Variants in ART3 observed in about 807,000 individuals in gnomAD.
ART3 encodes the protein ADP-ribosyltransferase 3 (inactive), also known as ecto-ADP-ribosyltransferase 3.
A neutral mutation model predicts 48.5 loss-of-function variants in ART3; 49 were observed. The ratio of observed to expected loss-of-function variants is 1.01; its 90% CI spans 0.80 to 1.28. The LOEUF (loss-of-function observed/expected upper bound fraction) is 1.28, where lower values mean the gene tolerates loss of function less well. Ranked by LOEUF, ART3 falls within the 50% of genes most tolerant of loss-of-function variation. The pLI is 0.00. For missense variants in ART3, 438 were observed against 454.3 expected (o/e 0.96, Z 0.33); for synonymous variants, 145 against 157.2 (o/e 0.92, Z 0.58).
intron 1 of ART3, among the ~76,000 whole-genome samples, chr4:76,018,386 G>A (rs1372259447): frequency 6.6e-6 from 1 of 152,162 alleles, no homozygotes; most frequent in Non-Finnish European, 1.5e-5. Context: ...ACTGAACATT[G>A]AGTACCCATG....
At chr4:76,066,592 C>T (rs1201703202) in intron 1 of ART3, among the ~76,000 whole-genome samples, 1 of 152,048 alleles carries the variant, frequency 6.6e-6, no homozygotes, top group African/African-American at 2.4e-5. Context: ...GTCATCCCAT[C>T]TTCTGCTCAG....
intron 1 of ART3, chr4:76,021,591 A>C (rs1732817242): frequency 8.6e-6 from 2 of 232,504 alleles, no homozygotes. Context: ...ATAAACCCCA[A>C]AGCAGAAAGA....
intron 1 of ART3, among the ~76,000 whole-genome samples, chr4:76,061,616 C>G (rs1719219776): frequency 6.6e-6 from 1 of 152,236 alleles, no homozygotes; most frequent in South Asian, 2.1e-4. Flanking sequence ...ACAAGGCGCT[C>G]TTTATGATCT....
chr4:76,100,062 C>G (rs1302135723), intron 5 of ART3, among the ~76,000 whole-genome samples: 1 of 152,144 alleles, frequency 6.6e-6, no homozygotes, highest in East Asian at 1.9e-4. Context: ...GGTAGACAAG[C>G]TATTTGTAAT....
intron 2 of ART3, among the ~76,000 whole-genome samples, chr4:76,078,978 G>A (rs1226877574): frequency 5.9e-5 from 9 of 152,136 alleles, no homozygotes; most frequent in Admixed American, 5.9e-4. Context: ...CTACTGGGGA[G>A]GCTGAAGCGG....
rs562775405 is a variant in ART3, at chr4:76,082,101, G to A, written c.347G>A (p.Ser116Asn). Residue 116 changes from serine (S) to asparagine (N), a missense_variant, in exon 3 of 12, where the codon AGT becomes AAT. Around this residue, in one of 3 missense-constraint regions of ART3, gnomAD observed 206 missense variants for 205.3 expected, o/e 1.00. Coordinates refer to ENST00000355810, the MANE Select transcript of ART3 (RefSeq NM_001130016.3). ...CAAACTCCCTTTTACCATCTGTTCA[G>A]TGAAGCTGTGAAGATGGCTGGCCAA... ...QEQTPFYHLF[S>N]EAVKMAGQSR... The A allele has an allele frequency of 2.5e-6, 4 of 1,614,202 alleles. No individual in the cohort carries two copies. The highest frequency in any genetic ancestry group is 2.7e-5 in the African/African-American group (2 of 75,042).
At chr4:76,044,485 C>T (rs1248996083) in intron 1 of ART3, among the ~76,000 whole-genome samples, 1 of 152,086 alleles carries the variant, frequency 6.6e-6, no homozygotes, top group Non-Finnish European at 1.5e-5. Context: ...TGAAGATCCA[C>T]ATAAGTAGAA....
intron 1 of ART3, among the ~76,000 whole-genome samples, chr4:76,065,795 AATC>A (rs1578388793): frequency 6.6e-6 from 1 of 151,800 alleles, no homozygotes; most frequent in African/African-American, 2.4e-5. Flanking sequence ...AAAGCAATCT[AATC>A]ATTATATATT....
intron 1 of ART3, among the ~76,000 whole-genome samples, chr4:76,041,752 T>A (rs1033228262): frequency 6.6e-6 from 1 of 152,214 alleles, no homozygotes; most frequent in Non-Finnish European, 1.5e-5. Flanking sequence ...GGCTACCATA[T>A]TGGACAGTGA....
At chr4:76,097,611 T>A (rs371575180) in intron 3 of ART3, 33 bp from the exon 4 acceptor site, 2 of 1,565,602 alleles carry the variant, frequency 1.3e-6, no homozygotes, top group Non-Finnish European at 1.8e-6. Flanking sequence ...GTATATTATG[T>A]CTAACTAATA....
At chr4:76,013,943 C>T (rs1732029276) in intron 1 of ART3, among the ~76,000 whole-genome samples, 1 of 152,142 alleles carries the variant, frequency 6.6e-6, no homozygotes, top group African/African-American at 2.4e-5. Flanking sequence ...CAAGTAGAGT[C>T]AGAGTTTTGA....
chr4:76,086,188 G>A (rs116488793), intron 3 of ART3, among the ~76,000 whole-genome samples: 1 of 151,836 alleles, frequency 6.6e-6, no homozygotes, highest in African/African-American at 2.4e-5. Context: ...CATGTTCACT[G>A]CAGCATTATT....
chr4:76,101,767 C>T (rs1727377810), intron 8 of ART3, among the ~76,000 whole-genome samples: 3 of 152,202 alleles, frequency 2.0e-5, no homozygotes, highest in East Asian at 1.9e-4. Context: ...AAAAAAATTA[C>T]TCAGATGTCC....
intron 10 of ART3, chr4:76,105,928 C>G (rs1488147635): frequency 3.3e-5 from 33 of 985,156 alleles, no homozygotes; most frequent in Non-Finnish European, 4.0e-5. Context: ...CTGGGACCAG[C>G]CATTCTGTGT....
At chr4:76,049,576 G>A (rs1199789642) in intron 1 of ART3, among the ~76,000 whole-genome samples, 1 of 151,946 alleles carries the variant, frequency 6.6e-6, no homozygotes, top group Non-Finnish European at 1.5e-5. Context: ...TGACACCCAT[G>A]TCTTTAGTCC....
chr4:76,099,416 T>G (rs1184189971), intron 5 of ART3: 1 of 188,386 alleles, frequency 5.3e-6, no homozygotes, highest in East Asian at 1.6e-4. Flanking sequence ...TTGGCCTATA[T>G]GAGAGGAAAA....
chr4:76,112,531 G>T lies in ART3; in HGVS notation c.*12G>T. The T allele has an allele frequency of 1.2e-6, 2 of 1,605,688 alleles. No homozygotes were observed. The highest frequency in any genetic ancestry group is 1.7e-6 in the Non-Finnish European group (2 of 1,175,516). On this transcript the variant is annotated 3_prime_UTR_variant, in exon 12 of 12. Transcript: ENST00000355810. ...TTGTTGCTCTGTAGTTTGATGCATT[G>T]TTTATCTTTCTTATTCTTTACTTGA...
rs115567387 is a variant in ART3 at position 76,021,990 on chromosome 4, C to T, written c.-10+10670C>T. 5.7e-5 allele frequency: 89 copies of T among 1,552,842 alleles called. No homozygotes were observed. In the African/African-American group the frequency reaches 1.0e-3, roughly 18 times the overall value. ...GGGATATAAAAGTGTGATAGTCTGA[C>T]TCTGGCTTCAGATTGGGTTGTGTTT... On this transcript the variant is annotated intron_variant, in intron 1 of 9. Transcript: ENST00000341029.
At chr4:76,032,930 C>A (rs1734010066) in intron 1 of ART3, among the ~76,000 whole-genome samples, 2 of 151,932 alleles carry the variant, frequency 1.3e-5, no homozygotes, top group East Asian at 3.9e-4. Flanking sequence ...ATGGAAGTCC[C>A]ATCTCTATAT....
Sources: gnomAD v4.1 joint callset for allele counts (sites outside exome capture counted in the v4.1 genomes callset) on GRCh38, gnomAD v4.1.1 for gene constraint, gnomAD v4.1.1 regional missense constraint, MANE v1.5 for transcripts, NCBI Gene and HGNC (gene_info 2026-07-23, HGNC 2026-07-21) for gene names.